JAM3: variants seen among roughly 807,000 people sequenced by gnomAD.
JAM3 encodes the protein junctional adhesion molecule 3, also known as junctional adhesion molecule C.
A neutral mutation model predicts 39.4 loss-of-function variants in JAM3; 31 were observed. The observed-to-expected ratio is 0.79, with a 90% CI of 0.59 to 1.06. The LOEUF (loss-of-function observed/expected upper bound fraction) is 1.06. Ranked by LOEUF, JAM3 falls within the 50% of genes least tolerant of loss-of-function variation. The pLI is 0.00. For synonymous variants in JAM3, 182 were observed against 148.7 expected (o/e 1.22, Z -1.63); for missense variants, 455 against 391.4 (o/e 1.16, Z -1.37).
At chr11:134,124,772 A>C (rs1168178837) in intron 1 of JAM3, among the ~76,000 whole-genome samples, 1 of 152,184 alleles carries the variant, frequency 6.6e-6, no homozygotes, top group Non-Finnish European at 1.5e-5. Context: ...GGAGTGTTCA[A>C]GGCAGTGTTA....
At chr11:134,084,624 G>A (rs1941718488) in intron 1 of JAM3, among the ~76,000 whole-genome samples, 1 of 152,158 alleles carries the variant, frequency 6.6e-6, no homozygotes, top group South Asian at 2.1e-4. Flanking sequence ...GTTACTAACT[G>A]TGCTTGTTCC....
chr11:134,115,570 A>G (rs1942412093), intron 1 of JAM3, among the ~76,000 whole-genome samples: 1 of 152,074 alleles, frequency 6.6e-6, no homozygotes, highest in Non-Finnish European at 1.5e-5. Flanking sequence ...ATTTGAGTTT[A>G]TCTGATGTTT....
At position 134,151,515 on chromosome 11, in the gene JAM3, A is replaced by G. The variant is rs1943234223; in HGVS notation, c.*2334A>G. ...CTAGTGCCATGGGAACCAGGTCTGA[A>G]AAAGTAGAGAGAAGTGAAAGTAGAG... On this transcript the variant is annotated 3_prime_UTR_variant, in exon 9 of 9. Transcript: ENST00000299106. 6.6e-6 allele frequency: 1 copy of G among 152,246 alleles called. No individual in the cohort carries two copies. The highest frequency in any genetic ancestry group is 2.4e-5 in the African/African-American group (1 of 41,448). The allele number at this position is 152,246 out of a possible 1,614,324, so 9.4% of individuals were successfully genotyped here. A position where few individuals can be genotyped will look rare whatever the true frequency, so the allele number is the denominator to read the frequency against.
At position 134,150,909 on chromosome 11, in the gene JAM3, G is replaced by A. The variant is rs919178306; in HGVS notation, c.*1728G>A. ...TGGCGGGGAGGAAAGTGAAACGCCT[G>A]AATCAAAAGCAGTTTTCTAATTTTG... On this transcript the variant is annotated 3_prime_UTR_variant, in exon 9 of 9. Coordinates refer to ENST00000299106, the MANE Select transcript of JAM3 (RefSeq NM_032801.5). 4 of 152,184 alleles carry A rather than the reference G, an allele frequency of 2.6e-5. No individual in the cohort carries two copies. The highest frequency in any genetic ancestry group is 9.7e-5 in the African/African-American group (4 of 41,442). The allele number at this position is 152,184 out of a possible 1,614,324, so 9.4% of individuals were successfully genotyped here.
chr11:134,150,874 G>T lies in JAM3; in HGVS notation c.*1693G>T, dbSNP rs986306276. On this transcript the variant is annotated 3_prime_UTR_variant, in exon 9 of 9. Transcript: ENST00000299106. Reference sequence around the variant, plus strand: ...AAAGAACGTCAGGTGGAGCAGCCAGGTGAAAGGCCTGGCGGGGAGGAAAGT... The same window carrying T: ...AAAGAACGTCAGGTGGAGCAGCCAGTTGAAAGGCCTGGCGGGGAGGAAAGT... 2 of 152,200 alleles carry T rather than the reference G, an allele frequency of 1.3e-5. No individual in the cohort carries two copies. The highest frequency in any genetic ancestry group is 2.9e-5 in the Non-Finnish European group (2 of 68,024). The allele number at this position is 152,200 out of a possible 1,614,324, so 9.4% of individuals were successfully genotyped here.
At chr11:134,077,100 G>A (rs1941582816) in intron 1 of JAM3, among the ~76,000 whole-genome samples, 1 of 152,038 alleles carries the variant, frequency 6.6e-6, no homozygotes, top group African/African-American at 2.4e-5. Context: ...CTCCTAAAGT[G>A]CTGGGATTAC....
chr11:134,142,660 G>A (rs1353596219), intron 3 of JAM3, among the ~76,000 whole-genome samples: 1 of 152,102 alleles, frequency 6.6e-6, no homozygotes, highest in Non-Finnish European at 1.5e-5. Flanking sequence ...TCCTTTTAAA[G>A]TGTGCAGTTC....
chr11:134,105,508 C>T (rs569097227), intron 1 of JAM3, among the ~76,000 whole-genome samples: 2 of 152,228 alleles, frequency 1.3e-5, no homozygotes, highest in South Asian at 4.2e-4. Context: ...CCAGGGCAAT[C>T]AGGCAGGAGA....
Position 134,140,659 on chromosome 11 carries a change from G to A in JAM3, c.145G>A (p.Val49Met). 6.2e-7 allele frequency: 1 copy of A among 1,612,882 alleles called. No individual in the cohort carries two copies. The highest frequency in any genetic ancestry group is 1.1e-5 in the South Asian group (1 of 91,054). The change falls in exon 3 of 9, where the codon GTG becomes ATG. Residue 49 changes from valine (V) to methionine (M), a missense_variant and splice_region_variant. Transcript: ENST00000299106. ...TCTTTTTCTTCTTTGCGTGTTAGGT[G>A]TGGAACTGTCTTGCATCATTACGGA... ...RTPVVQEFES[V>M]ELSCIITDSQ...
At chr11:134,092,994 C>A (rs1591776952) in intron 1 of JAM3, among the ~76,000 whole-genome samples, 1 of 149,026 alleles carries the variant, frequency 6.7e-6, no homozygotes. Flanking sequence ...CCTTATTCAT[C>A]ATGTTCCACC....
chr11:134,134,592 TTTCA>T (rs1213343265), intron 1 of JAM3, among the ~76,000 whole-genome samples: 5 of 152,106 alleles, frequency 3.3e-5, no homozygotes, highest in Non-Finnish European at 4.4e-5. Flanking sequence ...CTGCCAAGCT[TTTCA>T]TGGTGGCTGC....
chr11:134,090,511 C>A (rs1941828551), intron 1 of JAM3, among the ~76,000 whole-genome samples: 1 of 152,180 alleles, frequency 6.6e-6, no homozygotes, highest in African/African-American at 2.4e-5. Flanking sequence ...AACAAACAAG[C>A]TGAGTAAAAG....
At chr11:134,117,748 T>A (rs1222982956) in intron 1 of JAM3, among the ~76,000 whole-genome samples, 1 of 152,182 alleles carries the variant, frequency 6.6e-6, no homozygotes, top group Non-Finnish European at 1.5e-5. Flanking sequence ...CAATGGTCTT[T>A]GATAGGTGAG....
chr11:134,151,726 C>CA lies in JAM3; in HGVS notation c.*2546dup, dbSNP rs1311564510. ...CCGTAATTTGGCATTTGTTTAACCT[C>CA]ATTTATAAAAGCTTCAAAAAAACCC... On this transcript the variant is annotated 3_prime_UTR_variant, in exon 9 of 9. Coordinates refer to ENST00000299106, the MANE Select transcript of JAM3 (RefSeq NM_032801.5). The CA allele has an allele frequency of 6.6e-6, 1 of 152,192 alleles. No individual in the cohort carries two copies. Among genetic ancestry groups the CA allele is most frequent in the Non-Finnish European group, 1.5e-5 (1 of 68,038 alleles). 9.4% of individuals were successfully genotyped at this position (152,192 alleles called of 1,614,324 possible). A position where few individuals can be genotyped will look rare whatever the true frequency, so the allele number is the denominator to read the frequency against.
rs749976280 is a variant in JAM3 at position 134,148,596 on chromosome 11, T to A, written c.762T>A (p.Ala254=). The part of the protein sequence containing the change: ...GIIGGVLVVL[A]VLALITLGIC... Reference sequence around the variant, plus strand: ...TTGGGGGGGTTCTGGTTGTCCTTGCTGTACTGGCCCTGATCACGTTGGGCA... The same window carrying A: ...TTGGGGGGGTTCTGGTTGTCCTTGCAGTACTGGCCCTGATCACGTTGGGCA... The change falls in exon 7 of 9, where the codon GCT becomes GCA. Residue 254 remains alanine, a synonymous_variant. Transcript: ENST00000299106. 3.7e-6 allele frequency: 6 copies of A among 1,614,206 alleles called. No individual in the cohort carries two copies. The highest frequency in any genetic ancestry group is 5.1e-6 in the Non-Finnish European group (6 of 1,180,040).
intron 5 of JAM3, chr11:134,145,237 A>T (rs1943050775): frequency 1.7e-6 from 1 of 571,580 alleles, no homozygotes; most frequent in African/African-American, 1.9e-5. Context: ...GATATTAAGC[A>T]AATGTTACTA....
intron 1 of JAM3, among the ~76,000 whole-genome samples, chr11:134,115,720 G>A (rs1942416080): frequency 6.6e-6 from 1 of 151,608 alleles, no homozygotes; most frequent in African/African-American, 2.4e-5. Flanking sequence ...TGGGTAACAT[G>A]TGAGATCCTG....
Position 134,149,283 on chromosome 11 carries a change from ACACT to A in JAM3, c.*105_*108del, listed in dbSNP as rs1298694025. The A allele has an allele frequency of 4.3e-6, 6 of 1,394,142 alleles. No individual in the cohort carries two copies. The highest frequency in any genetic ancestry group is 2.3e-5 in the East Asian group (1 of 42,896). The allele number at this position is 1,394,142 out of a possible 1,614,324, so 86.4% of individuals were successfully genotyped here. A position where few individuals can be genotyped will look rare whatever the true frequency, so the allele number is the denominator to read the frequency against. On this transcript the variant is annotated 3_prime_UTR_variant, in exon 9 of 9. Transcript: ENST00000299106. ...AGCTGATGCACTCGGACAGAGCTAG[ACACT>A]CATTCAGAAGCTTTTCGTTTTGGCC...
chr11:134,144,047 GT>G (rs1943023967), intron 3 of JAM3, among the ~76,000 whole-genome samples, 193 bp from the exon 4 acceptor site: 1 of 152,090 alleles, frequency 6.6e-6, no homozygotes. Context: ...TATTTTTGGT[GT>G]TTAGGTTACA....
Sources: gnomAD v4.1 joint callset for allele counts (sites outside exome capture counted in the v4.1 genomes callset) on GRCh38, gnomAD v4.1.1 for gene constraint, MANE v1.5 for transcripts, NCBI Gene and HGNC (gene_info 2026-07-23, HGNC 2026-07-21) for gene names.